Variants in SYNPR observed in about 807,000 individuals in gnomAD.
SYNPR encodes synaptoporin.
Under a neutral mutation model 32.9 loss-of-function variants are expected in SYNPR, and 23 were observed. The observed-to-expected ratio is 0.70, with a 90% confidence interval of 0.50 to 0.99. SYNPR has a LOEUF of 0.99. Ranked by LOEUF, SYNPR falls within the 50% of genes least tolerant of loss-of-function variation. SYNPR has a pLI of 0.00. For synonymous variants in SYNPR, 146 were observed against 135.9 expected, an observed-to-expected ratio of 1.07 and a Z score of -0.52; for missense variants, 318 against 349.3, an observed-to-expected ratio of 0.91 and a Z score of 0.71.
chr3:63,328,896 G>A (rs544451848), intron 2 of SYNPR, among the ~76,000 whole-genome samples: 12 of 151,976 alleles, frequency 7.9e-5, no homozygotes, highest in Admixed American at 3.9e-4. Flanking sequence ...CAAATTGACC[G>A]CCACATCTCC....
At chr3:63,323,524 T>C (rs1233546997) in intron 2 of SYNPR, among the ~76,000 whole-genome samples, 2 of 152,074 alleles carry the variant, frequency 1.3e-5, no homozygotes, top group African/African-American at 4.8e-5. Flanking sequence ...TGTTGGAAAG[T>C]ACTTCTTTAT....
At chr3:63,267,864 G>A (rs1241279871) in intron 3 of SYNPR, among the ~76,000 whole-genome samples, 2 of 151,906 alleles carry the variant, frequency 1.3e-5, no homozygotes, top group Non-Finnish European at 2.9e-5. Context: ...AGGAGCCTGA[G>A]GAAACTTCCC....
At chr3:63,428,956 C>T (rs1575639024) in intron 2 of SYNPR, among the ~76,000 whole-genome samples, 1 of 152,226 alleles carries the variant, frequency 6.6e-6, no homozygotes, top group East Asian at 1.9e-4. Flanking sequence ...GCCACAAAGT[C>T]ACATAGAATG....
chr3:63,336,108 C>T (rs997610209), intron 2 of SYNPR, among the ~76,000 whole-genome samples: 3 of 151,720 alleles, frequency 2.0e-5, no homozygotes, highest in South Asian at 2.1e-4. Flanking sequence ...TCTGACCATT[C>T]GAATGTGATT....
At chr3:63,480,473 C>G (rs752980498) in intron 2 of SYNPR, among the ~76,000 whole-genome samples, 1 of 152,180 alleles carries the variant, frequency 6.6e-6, no homozygotes, top group Non-Finnish European at 1.5e-5. Context: ...ATCTTCCTAC[C>G]TGGAGACATC....
intron 2 of SYNPR, among the ~76,000 whole-genome samples, chr3:63,480,288 A>C (rs1259640429): frequency 2.0e-5 from 3 of 152,206 alleles, no homozygotes; most frequent in Non-Finnish European, 4.4e-5. Context: ...ATATACTGAG[A>C]TCTTGTGCTC....
At chr3:63,435,388 G>A (rs1450985890) in intron 2 of SYNPR, among the ~76,000 whole-genome samples, 2 of 152,118 alleles carry the variant, frequency 1.3e-5, no homozygotes, top group African/African-American at 4.8e-5. Context: ...CACCATTATT[G>A]GAATTAGAAA....
chr3:63,249,540 G>T lies in SYNPR; in HGVS notation n.67-2959G>T, dbSNP rs998250039. Among the ~76,000 whole-genome samples, 16 of 152,242 alleles carry T rather than the reference G, an allele frequency of 1.1e-4. 3 individuals carry two copies. The highest frequency in any genetic ancestry group is 4.4e-5 in the Non-Finnish European group (3 of 68,014). ...TAAGAATAATACAATGGACTTTGGGGAATTAGAAGAAAGAGTGGGAGGGGG... is the reference window on the plus strand; with the variant it reads ...TAAGAATAATACAATGGACTTTGGGTAATTAGAAGAAAGAGTGGGAGGGGG... On this transcript the variant is annotated intron_variant and non_coding_transcript_variant, in intron 1 of 4. Transcript: ENST00000478456.
chr3:63,391,867 A>G (rs1395037971), intron 2 of SYNPR, among the ~76,000 whole-genome samples: 3 of 152,168 alleles, frequency 2.0e-5, no homozygotes, highest in Non-Finnish European at 2.9e-5. Context: ...AATTGTATGT[A>G]CCCGATGTCT....
rs184740435 is a variant in SYNPR at position 63,281,027 on chromosome 3, A to G, written c.84+2285A>G. Among the ~76,000 whole-genome samples the G allele has an allele frequency of 1.9e-3, 287 of 152,318 alleles. 2 individuals are homozygous for G. Among genetic ancestry groups the G allele is most frequent in the Non-Finnish European group, 3.3e-3 (224 of 68,030 alleles). On this transcript the variant is annotated intron_variant, in intron 2 of 5. Transcript: ENST00000478300. ...ATGAGGAGAGAGTACTAGTTGCTGA[A>G]AAAGCTAGTAGTGAACAGAGGGAAA... is the stretch of plus-strand genomic sequence containing the variant.
At chr3:63,237,027 C>T (rs2086205377) in intron 1 of SYNPR, among the ~76,000 whole-genome samples, 1 of 151,952 alleles carries the variant, frequency 6.6e-6, no homozygotes, top group Admixed American at 6.6e-5. Flanking sequence ...AAGGCAATTC[C>T]CCTTTACTCC....
chr3:63,211,372 C>T, the SYNPR span, among the ~76,000 whole-genome samples: 1 of 152,120 alleles, frequency 6.6e-6, no homozygotes, highest in Non-Finnish European at 1.5e-5. Flanking sequence ...CGGCCAAGAC[C>T]TTCTTTTACT....
At chr3:63,242,406 G>A (rs1438754015) in intron 1 of SYNPR, among the ~76,000 whole-genome samples, 1 of 152,014 alleles carries the variant, frequency 6.6e-6, no homozygotes, top group Non-Finnish European at 1.5e-5. Flanking sequence ...ACTCTGCCCC[G>A]ACCAGCTAGG....
chr3:63,201,636 A>C, the SYNPR span, among the ~76,000 whole-genome samples: 1 of 152,192 alleles, frequency 6.6e-6, no homozygotes, highest in Non-Finnish European at 1.5e-5. Context: ...GAGATAGAAT[A>C]AAAAACAAAA....
At chr3:63,306,362 C>A (rs1334914065) in intron 2 of SYNPR, among the ~76,000 whole-genome samples, 1 of 151,832 alleles carries the variant, frequency 6.6e-6, no homozygotes, top group Non-Finnish European at 1.5e-5. Context: ...TTAAAGCAAT[C>A]CTGTGGTCCT....
intron 2 of SYNPR, among the ~76,000 whole-genome samples, chr3:63,455,036 A>T (rs943456535): frequency 4.6e-5 from 7 of 152,042 alleles, no homozygotes; most frequent in Admixed American, 1.3e-4. Flanking sequence ...TCCAAATAAG[A>T]TCTTTTTTAA....
chr3:63,601,925 T>C (rs2106893373), intron 4 of SYNPR, among the ~76,000 whole-genome samples: 1 of 152,328 alleles, frequency 6.6e-6, no homozygotes, highest in South Asian at 2.1e-4. Flanking sequence ...TCCACAATGG[T>C]TGAACTAGTT....
intron 3 of SYNPR, among the ~76,000 whole-genome samples, chr3:63,530,534 ACT>A (rs1702093421): frequency 6.6e-6 from 1 of 152,218 alleles, no homozygotes; most frequent in Admixed American, 6.5e-5. Flanking sequence ...AAGTAAAAAC[ACT>A]CAGCAAAGTA....
At chr3:63,482,959 A>T (rs971701165) in intron 3 of SYNPR, among the ~76,000 whole-genome samples, 1 of 152,230 alleles carries the variant, frequency 6.6e-6, no homozygotes, top group Non-Finnish European at 1.5e-5. Flanking sequence ...GTAAAAAGTG[A>T]TAATATCCAC....
Sources: allele counts gnomAD v4.1 joint callset (sites outside exome capture counted in the v4.1 genomes callset), GRCh38; gene constraint gnomAD v4.1.1; transcripts MANE v1.5; gene names NCBI Gene and HGNC (gene_info 2026-07-23, HGNC 2026-07-21).